CDH18: variants seen among roughly 807,000 people sequenced by gnomAD.
The protein encoded by CDH18 is cadherin 18.
In CDH18, 31 loss-of-function variants were observed where a neutral mutation model predicts 67.9. The ratio of observed to expected loss-of-function variants is 0.46; its 90% confidence interval spans 0.34 to 0.62. The LOEUF is 0.62. CDH18 is among the 20% of genes least tolerant of loss of function. The pLI, the probability that CDH18 is intolerant of heterozygous loss-of-function variation, is 0.01. For missense variants in CDH18, 890 were observed against 975.5 expected (o/e 0.91, Z 1.17); for synonymous variants, 362 against 347.2 (o/e 1.04, Z -0.48).
chr5:20,044,807 T>C (rs1740768702), intron 2 of CDH18, among the ~76,000 whole-genome samples: 1 of 152,196 alleles, frequency 6.6e-6, no homozygotes, highest in South Asian at 2.1e-4. Context: ...CACTTTCCTC[T>C]TTACCTTGCC....
chr5:19,756,997 GTGT>G lies in CDH18; in HGVS notation c.229-9764_229-9762del, dbSNP rs147750490. Among the ~76,000 whole-genome samples the G allele has an allele frequency of 7.7e-4, 117 of 152,306 alleles. 3 individuals carry two copies. In the East Asian group the frequency reaches 0.015, roughly 20 times the overall value. ...CCTGCAAAGTATTGTTACCTAGTTG[GTGT>G]TGTAATTGTGACTTCAAAAGGCCAT... On this transcript the variant is annotated intron_variant, in intron 3 of 12. Transcript: ENST00000382275.
intron 1 of CDH18, among the ~76,000 whole-genome samples, chr5:20,423,370 C>T (rs1334038806): frequency 6.6e-6 from 1 of 151,142 alleles, no homozygotes; most frequent in African/African-American, 2.5e-5. Flanking sequence ...TCCATATACC[C>T]ATGTACACAT....
chr5:19,490,255 T>A (rs1235312183), intron 11 of CDH18, among the ~76,000 whole-genome samples: 2 of 151,944 alleles, frequency 1.3e-5, no homozygotes, highest in African/African-American at 4.8e-5. Flanking sequence ...AGGTGACTCC[T>A]GTAGCACCAT....
intron 5 of CDH18, among the ~76,000 whole-genome samples, chr5:19,618,893 C>T (rs1016502913): frequency 6.6e-6 from 1 of 152,116 alleles, no homozygotes; most frequent in African/African-American, 2.4e-5. Context: ...TTTCATTAAC[C>T]ATTTTCTAAA....
At chr5:20,328,539 G>A (rs920286122) in intron 1 of CDH18, among the ~76,000 whole-genome samples, 2 of 151,404 alleles carry the variant, frequency 1.3e-5, no homozygotes, top group Admixed American at 6.6e-5. Flanking sequence ...GATTATATGT[G>A]TTGGGGAGAA....
intron 2 of CDH18, among the ~76,000 whole-genome samples, chr5:19,972,157 T>C (rs985605204): frequency 7.9e-6 from 1 of 126,682 alleles, no homozygotes. Context: ...GATGAACAAA[T>C]TGAATGAGTT....
chr5:19,772,126 CCAAA>C, intron 3 of CDH18, among the ~76,000 whole-genome samples: 1 of 152,176 alleles, frequency 6.6e-6, no homozygotes, highest in Non-Finnish European at 1.5e-5. Flanking sequence ...ACTTAATATC[CCAAA>C]CAAACTTCAG....
chr5:20,351,160 T>TTGTGTGTGTGTGTGTGTGTG (rs375375615), intron 1 of CDH18, among the ~76,000 whole-genome samples: 7 of 132,092 alleles, frequency 5.3e-5, no homozygotes, highest in African/African-American at 1.9e-4. Flanking sequence ...GTAAATGTAT[T>TTGTGTGTGTGTGTGTGTGTG]TGTGTGTGTG....
intron 5 of CDH18, among the ~76,000 whole-genome samples, chr5:19,637,656 G>A (rs898126540): frequency 6.6e-6 from 1 of 152,054 alleles, no homozygotes. Flanking sequence ...GTCTCACTGG[G>A]TTCCTCGTCA....
chr5:19,937,257 G>A (rs1205053711), intron 2 of CDH18, among the ~76,000 whole-genome samples: 1 of 151,258 alleles, frequency 6.6e-6, no homozygotes, highest in Non-Finnish European at 1.5e-5. Flanking sequence ...TCATTCATTT[G>A]ATTAGGCAAT....
intron 9 of CDH18, among the ~76,000 whole-genome samples, chr5:19,527,400 A>T (rs890171917): frequency 6.6e-6 from 1 of 151,690 alleles, no homozygotes; most frequent in East Asian, 1.9e-4. Flanking sequence ...TGTCTGGTAC[A>T]TGCTGGTGCC....
chr5:19,512,643 T>C (rs1745296341), intron 10 of CDH18, among the ~76,000 whole-genome samples: 1 of 152,164 alleles, frequency 6.6e-6, no homozygotes, highest in East Asian at 1.9e-4. Flanking sequence ...AATTTGTTAA[T>C]GTCATTCAAA....
chr5:19,647,804 G>A (rs896605520), intron 5 of CDH18, among the ~76,000 whole-genome samples: 1 of 152,048 alleles, frequency 6.6e-6, no homozygotes, highest in East Asian at 1.9e-4. Flanking sequence ...AGAGGAGACT[G>A]AAGGTGGAAT....
intron 2 of CDH18, among the ~76,000 whole-genome samples, chr5:20,028,521 G>T (rs1327948137): frequency 2.6e-5 from 4 of 152,104 alleles, no homozygotes; most frequent in Non-Finnish European, 5.9e-5. Flanking sequence ...TGATATAAAG[G>T]TTCAGGCAAG....
intron 5 of CDH18, among the ~76,000 whole-genome samples, chr5:19,619,582 A>G (rs1030578192): frequency 1.3e-5 from 2 of 152,198 alleles, no homozygotes; most frequent in Admixed American, 1.3e-4. Context: ...AGTGTTAGTG[A>G]GACAATGGCA....
chr5:20,443,231 AG>A (rs1749764016), intron 1 of CDH18, among the ~76,000 whole-genome samples: 1 of 141,280 alleles, frequency 7.1e-6, no homozygotes. Context: ...AAAAAAAAAA[AG>A]TATATCTTTT....
intron 2 of CDH18, chr5:20,255,357 T>G (rs1027483015): frequency 2.1e-4 from 32 of 152,208 alleles, no homozygotes; most frequent in African/African-American, 7.7e-4. Flanking sequence ...TTGACATTTC[T>G]ATAATATTTT....
intron 1 of CDH18, among the ~76,000 whole-genome samples, chr5:20,317,496 A>G (rs748882413): frequency 6.6e-6 from 1 of 152,162 alleles, no homozygotes; most frequent in African/African-American, 2.4e-5. Context: ...ATTACATGTT[A>G]TACTTTCAGT....
chr5:20,058,496 C>A (rs567822412), intron 2 of CDH18, among the ~76,000 whole-genome samples: 1 of 152,120 alleles, frequency 6.6e-6, no homozygotes, highest in South Asian at 2.1e-4. Flanking sequence ...TATTATTGAG[C>A]CTTACTTGAT....
Sources: gnomAD v4.1 joint callset for allele counts (sites outside exome capture counted in the v4.1 genomes callset) on GRCh38, gnomAD v4.1.1 for gene constraint, MANE v1.5 for transcripts, NCBI Gene and HGNC (gene_info 2026-07-23, HGNC 2026-07-21) for gene names.